The following VWA5B2 variants were observed in gnomAD, a reference collection of about 807,000 sequenced individuals.
VWA5B2 encodes von Willebrand factor A domain containing 5B2.
VWA5B2 carries 93 observed loss-of-function variants against 118.5 expected under a neutral mutation model. That is an observed-to-expected ratio of 0.79 (90% CI 0.66 to 0.93). VWA5B2 has a LOEUF of 0.93. Ranked by LOEUF, VWA5B2 falls within the 40% of genes least tolerant of loss-of-function variation. The pLI, the probability that VWA5B2 is intolerant of heterozygous loss-of-function variation, is 0.00. For synonymous variants in VWA5B2, 708 were observed against 716.3 expected, an observed-to-expected ratio of 0.99 and a Z score of 0.19; for missense variants, 1,546 against 1,672.8, an observed-to-expected ratio of 0.92 and a Z score of 1.32.
Position 184,233,713 on chromosome 3 carries a change from C to T in VWA5B2, c.668C>T (p.Thr223Ile), listed in dbSNP as rs754404965. ...ACCTTCTCCTTCGAGATGCTGGTGA[C>T]TGGGCCATGCCTGCTTGCAGGTGGG... ...PYTFSFEMLV[T>I]GPCLLAGLES... is the part of the protein sequence containing the mutation. Residue 223 changes from threonine to isoleucine, a missense_variant, in exon 5 of 20, where the codon ACT (threonine) becomes ATT (isoleucine). Thr to Ile is a moderately conservative substitution (Grantham distance 89). Coordinates refer to ENST00000691901, the MANE Select transcript of VWA5B2 (RefSeq NM_001390846.1). The surrounding 1 kb of genome is among the most constrained non-coding windows in gnomAD (Gnocchi z 5.2). 1.3e-6 allele frequency: 2 copies of T among 1,550,574 alleles called. No homozygotes were observed. The highest frequency in any genetic ancestry group is 2.4e-5 in the South Asian group (2 of 84,006).
rs1283019381 is a variant in VWA5B2 at position 184,237,926 on chromosome 3, A to G, written c.1720-377A>G. Among the ~76,000 whole-genome samples the G allele has an allele frequency of 6.6e-6, 1 of 152,210 alleles. No individual in the cohort carries two copies. Among genetic ancestry groups the G allele is most frequent in the Non-Finnish European group, 1.5e-5 (1 of 68,040 alleles). On this transcript the variant is annotated intron_variant, in intron 12 of 19. Transcript: ENST00000691901. The surrounding 1 kb of genome is among the most constrained non-coding windows in gnomAD (Gnocchi z 5.6). The stretch of plus-strand genomic sequence containing the variant: ...AGGTTTTTCACAGGTGGTTGTCATC[A>G]GGGGTCATAAAGTGAGTACTCCTGG...
chr3:184,240,037 G>C lies in VWA5B2; in HGVS notation c.2740+1G>C. 1 of 1,531,292 alleles carries C rather than the reference G, an allele frequency of 6.5e-7. No homozygotes were observed. Among genetic ancestry groups the C allele is most frequent in the South Asian group, 1.2e-5 (1 of 81,742 alleles). 94.9% of individuals were successfully genotyped at this position (1,531,292 alleles called of 1,614,324 possible). On this transcript the variant is annotated splice_donor_variant, in intron 16 of 19. Coordinates refer to ENST00000691901, the MANE Select transcript of VWA5B2 (RefSeq NM_001390846.1). LOFTEE classifies it high-confidence loss of function. ...GGGGCAGAGACCACAGCTGACCGGG[G>C]TGAGTTGCTCATGGGTCCAGTCAGG...
rs369680276 is a variant in VWA5B2 at position 184,239,444 on chromosome 3, G to A, written c.2253G>A (p.Leu751=). The A allele has an allele frequency of 8.6e-5, 133 of 1,549,880 alleles. 3 individuals carry two copies. The African/African-American group carries it at 1.5e-3, about 17-fold the overall frequency. The stretch of plus-strand genomic sequence containing the variant: ...TGGGCCGTCAGCACAGAGCGGCTCT[G>A]GCTGGCCGAAGCCTCTCATCCCCTC... The part of the protein sequence containing the change: ...EVLGRQHRAA[L]AGRSLSSPPG... The change falls in exon 15 of 20, where the codon CTG becomes CTA. Residue 751 remains leucine (L), a synonymous_variant. Coordinates refer to ENST00000691901, the MANE Select transcript of VWA5B2 (RefSeq NM_001390846.1). The surrounding 1 kb of genome is among the most constrained non-coding windows in gnomAD (Gnocchi z 5.1).
chr3:184,239,649 G>A lies in VWA5B2; in HGVS notation c.2393-40G>A. ...AGGCCTTGGGGAGGTAAAGCCCAGA[G>A]GACCACTCTGCCCATGCCCCTGCTG... On this transcript the variant is annotated intron_variant, in intron 15 of 19. Transcript: ENST00000691901. The surrounding 1 kb of genome is among the most constrained non-coding windows in gnomAD (Gnocchi z 5.1). The A allele has an allele frequency of 6.8e-7, 1 of 1,471,426 alleles. No homozygotes were observed. The highest frequency in any genetic ancestry group is 9.1e-7 in the Non-Finnish European group (1 of 1,103,876). 91.1% of individuals were successfully genotyped at this position (1,471,426 alleles called of 1,614,324 possible).
rs1255527896 is a variant in VWA5B2, at chr3:184,241,962, G to A, written c.3653G>A (p.Gly1218Glu). The change falls in exon 20 of 20, where the codon GGG becomes GAG. Residue 1218 changes from glycine to glutamate, a missense_variant. Gly to Glu is a moderately conservative substitution (Grantham distance 98). Transcript: ENST00000691901. This position sits in a 1 kb window ranked among gnomAD's most constrained non-coding sequence, Gnocchi z 5.1. The stretch of plus-strand genomic sequence containing the variant: ...GCCGCCCTCAAGGCCGCAGCCCGAG[G>A]GCTCTTCCTGCTACTGCGCCACTGG... ...DLAALKAAARGLFLLLRHWDQ... is the reference protein window; with the variant it reads ...DLAALKAAARELFLLLRHWDQ... The A allele has an allele frequency of 3.9e-6, 6 of 1,549,904 alleles. No individual in the cohort carries two copies. The highest frequency in any genetic ancestry group is 2.7e-5 in the African/African-American group (2 of 73,036).
At chr3:184,236,070 A>G (rs1717945908) in intron 8 of VWA5B2, 82 bp from the exon 9 acceptor site, 3 of 1,256,096 alleles carry the variant, frequency 2.4e-6, no homozygotes, top group Admixed American at 4.0e-5. Context: ...CACAGCCTGG[A>G]TAACGCAGTG....
At chr3:184,230,224 C>T (rs1052181794) in intron 1 of VWA5B2, among the ~76,000 whole-genome samples, 156 bp from the exon 2 acceptor site, 1 of 152,166 alleles carries the variant, frequency 6.6e-6, no homozygotes, top group African/African-American at 2.4e-5. Flanking sequence ...GTGACCGCCC[C>T]CACCCCCGGG....
intron 3 of VWA5B2, among the ~76,000 whole-genome samples, chr3:184,232,251 A>G (rs1717472759): frequency 6.6e-6 from 1 of 152,088 alleles, no homozygotes; most frequent in Non-Finnish European, 1.5e-5. Context: ...CCTCACCACA[A>G]TCACAGAGTT....
chr3:184,234,961 G>A (rs979534576), intron 7 of VWA5B2, 192 bp from the exon 8 acceptor site: 6 of 1,064,970 alleles, frequency 5.6e-6, no homozygotes, highest in African/African-American at 3.2e-5. Context: ...TGTCTCAGAG[G>A]ATGGAGGCTA....
chr3:184,241,264 G>A lies in VWA5B2; in HGVS notation c.3040G>A (p.Ala1014Thr). 6.4e-7 allele frequency: 1 copy of A among 1,551,338 alleles called. No homozygotes were observed. Among genetic ancestry groups the A allele is most frequent in the Non-Finnish European group, 8.7e-7 (1 of 1,146,954 alleles). The change falls in exon 19 of 20, where the codon GCC becomes ACC. Residue 1014 changes from alanine (A) to threonine (T), a missense_variant. Around this residue, in one of 3 missense-constraint regions of VWA5B2, gnomAD observed 763 missense variants for 766.6 expected, o/e 1.00. Transcript: ENST00000691901. The surrounding 1 kb of genome is among the most constrained non-coding windows in gnomAD (Gnocchi z 5.1). ...GNSKRALGDP[A>T]TPTEGPRRPP... The stretch of plus-strand genomic sequence containing the variant: ...CTCCAAGCGTGCTTTGGGGGACCCT[G>A]CCACTCCCACGGAAGGTCCTCGCCG...
At chr3:184,230,987 C>A in intron 3 of VWA5B2, 70 bp downstream of exon 3, 1 of 1,202,806 alleles carries the variant, frequency 8.3e-7, no homozygotes, top group Non-Finnish European at 1.0e-6. Flanking sequence ...ATCCGCTCGG[C>A]CTCCGCCCGT....
At position 184,239,590 on chromosome 3, in the gene VWA5B2, G is replaced by A; in HGVS notation, c.2392+7G>A. 2 of 1,505,102 alleles carry A rather than the reference G, an allele frequency of 1.3e-6. No homozygotes were observed. Among genetic ancestry groups the A allele is most frequent in the Non-Finnish European group, 1.8e-6 (2 of 1,118,260 alleles). 93.2% of individuals were successfully genotyped at this position (1,505,102 alleles called of 1,614,324 possible). A position where few individuals can be genotyped will look rare whatever the true frequency, so the allele number is the denominator to read the frequency against. The stretch of plus-strand genomic sequence containing the variant: ...CAAGGCCTGGATGACTCAGGTAAGT[G>A]TTGGATGGGGAGCTGGTTTCCCTGA... On this transcript the variant is annotated splice_region_variant and intron_variant, in intron 15 of 19. Transcript: ENST00000691901. This position sits in a 1 kb window ranked among gnomAD's most constrained non-coding sequence, Gnocchi z 5.1.
rs1717769642 is a variant in VWA5B2, at chr3:184,234,651, A to T, written c.841A>T (p.Met281Leu). 3 of 1,551,224 alleles carry T rather than the reference A, an allele frequency of 1.9e-6. No homozygotes were observed. The African/African-American group carries it at 4.1e-5, about 21-fold the overall frequency. ...HPSEPHQPHL[M>L]LEGGSLSSAE... ...CTCAGAGCCCCATCAGCCACACCTGATGCTGGAGGGCGGCAGCCTGAGCTC... is the reference window on the plus strand; with the variant it reads ...CTCAGAGCCCCATCAGCCACACCTGTTGCTGGAGGGCGGCAGCCTGAGCTC... The change falls in exon 7 of 20, where the codon ATG becomes TTG. Residue 281 changes from methionine to leucine, a missense_variant. Around this residue, in one of 3 missense-constraint regions of VWA5B2, gnomAD observed 775 missense variants for 882.3 expected, o/e 0.88. Coordinates refer to ENST00000691901, the MANE Select transcript of VWA5B2 (RefSeq NM_001390846.1).
chr3:184,235,043 C>T, intron 7 of VWA5B2, 110 bp from the exon 8 acceptor site: 3 of 1,321,546 alleles, frequency 2.3e-6, no homozygotes, highest in Non-Finnish European at 3.1e-6. Flanking sequence ...AAAAAGATGT[C>T]CCCTCTGGGT....
intron 11 of VWA5B2, 103 bp downstream of exon 11, chr3:184,236,852 C>T (rs896517883): frequency 4.8e-5 from 49 of 1,021,114 alleles, no homozygotes; most frequent in Middle Eastern, 2.1e-4. Flanking sequence ...GGGCTCCTGG[C>T]GCCCTCACCA....
rs1306856638 is a variant in VWA5B2 at position 184,235,225 on chromosome 3, GA to G, written c.1019del (p.Asp340AlafsTer2). ...NPVLALSFCP[D>X]LSSKPGHLGT... ...CGTGCTGGCGCTGAGCTTCTGCCCA[GA>G]CCTGAGCTCCAAGCCCGGACACCTG... On this transcript the variant is annotated frameshift_variant, in exon 8 of 20. Coordinates refer to ENST00000691901, the MANE Select transcript of VWA5B2 (RefSeq NM_001390846.1). LOFTEE classifies it high-confidence loss of function. 1 of 1,551,540 alleles carries G rather than the reference GA, an allele frequency of 6.4e-7. No homozygotes were observed. Among genetic ancestry groups the G allele is most frequent in the Non-Finnish European group, 8.7e-7 (1 of 1,146,978 alleles).
intron 8 of VWA5B2, among the ~76,000 whole-genome samples, chr3:184,235,797 C>T (rs535735195): frequency 6.6e-6 from 1 of 151,632 alleles, no homozygotes; most frequent in Non-Finnish European, 1.5e-5. Flanking sequence ...GTCCCACACA[C>T]AGTCATGTGT....
rs1461046906 is a variant in VWA5B2, at chr3:184,233,585, C to A, written c.540C>A (p.Ser180Arg). The A allele has an allele frequency of 1.3e-6, 2 of 1,550,618 alleles. No individual in the cohort carries two copies. The highest frequency in any genetic ancestry group is 1.7e-6 in the Non-Finnish European group (2 of 1,146,730). ...PPGLCDDSPT[S>R]CFGVGSLQEE... ...TCATGCTCCCTTCCAGCCCCACCAG[C>A]TGCTTCGGGGTGGGCAGCCTTCAGG... The change falls in exon 5 of 20, where the codon AGC (serine) becomes AGA (arginine). Residue 180 changes from serine to arginine, a missense_variant. Ser to Arg is a moderately radical substitution (Grantham distance 110). Around this residue, in one of 3 missense-constraint regions of VWA5B2, gnomAD observed 775 missense variants for 882.3 expected, o/e 0.88. Coordinates refer to ENST00000691901, the MANE Select transcript of VWA5B2 (RefSeq NM_001390846.1). The surrounding 1 kb of genome is among the most constrained non-coding windows in gnomAD (Gnocchi z 5.2).
intron 2 of VWA5B2, 31 bp downstream of exon 2, chr3:184,230,698 G>T: frequency 1.6e-6 from 2 of 1,227,854 alleles, no homozygotes; most frequent in South Asian, 3.6e-5. Flanking sequence ...GGGCGCGGCG[G>T]GGGGTGCGCC....
Sources: allele counts gnomAD v4.1 joint callset (sites outside exome capture counted in the v4.1 genomes callset), GRCh38; gene constraint gnomAD v4.1.1; regional missense constraint gnomAD v4.1.1; non-coding constraint Gnocchi (gnomAD v3.1); transcripts MANE v1.5; gene names NCBI Gene and HGNC (gene_info 2026-07-23, HGNC 2026-07-21).